ANTXRL: variants seen among roughly 807,000 people sequenced by gnomAD.
The protein encoded by ANTXRL is anthrax toxin receptor-like.
ANTXRL carries 63 observed loss-of-function variants against 75.4 expected under a neutral mutation model. The ratio of observed to expected loss-of-function variants is 0.84; its 90% CI spans 0.68 to 1.03. The LOEUF (loss-of-function observed/expected upper bound fraction) is 1.03. ANTXRL is among the 50% of genes least tolerant of loss of function. The pLI is 0.00. For synonymous variants in ANTXRL, 335 were observed against 291.3 expected, an observed-to-expected ratio of 1.15 and a Z score of -1.53; for missense variants, 797 against 789.4, an observed-to-expected ratio of 1.01 and a Z score of -0.12.
At chr10:46,293,525 C>A (rs1241940178) in intron 2 of ANTXRL, among the ~76,000 whole-genome samples, 1 of 109,252 alleles carries the variant, frequency 9.2e-6, no homozygotes, top group Non-Finnish European at 1.9e-5. Context: ...GTGTGTGCCT[C>A]TGTGTGTGCA....
chr10:46,303,353 C>T (rs181998107), intron 10 of ANTXRL, among the ~76,000 whole-genome samples: 1 of 152,264 alleles, frequency 6.6e-6, no homozygotes, highest in East Asian at 1.9e-4. Flanking sequence ...GTGTTCTACT[C>T]TGAGCCTCTA....
chr10:46,318,557 G>A (rs782434087), intron 16 of ANTXRL, among the ~76,000 whole-genome samples: 3 of 152,062 alleles, frequency 2.0e-5, no homozygotes, highest in Non-Finnish European at 2.9e-5. Context: ...ATACAGAAAA[G>A]CAGTGAGAGA....
At chr10:46,300,424 G>C (rs1326925254) in intron 9 of ANTXRL, among the ~76,000 whole-genome samples, 86 of 152,248 alleles carry the variant, frequency 5.6e-4, no homozygotes, top group Non-Finnish European at 1.6e-4. Context: ...CTCCTATCCA[G>C]CCTGGGAGAG....
At chr10:46,329,255 T>C (rs1839371535) in intron 16 of ANTXRL, among the ~76,000 whole-genome samples, 1 of 152,062 alleles carries the variant, frequency 6.6e-6, no homozygotes, top group Non-Finnish European at 1.5e-5. Context: ...TTCCACATGC[T>C]CACTAGAGCC....
chr10:46,309,625 C>T (rs1476533851), intron 13 of ANTXRL, among the ~76,000 whole-genome samples: 5 of 152,198 alleles, frequency 3.3e-5, no homozygotes, highest in Admixed American at 6.5e-5. Context: ...AAATGGAGGA[C>T]GCTGTAACCC....
chr10:46,294,584 T>C (rs1837252304), intron 3 of ANTXRL, among the ~76,000 whole-genome samples: 1 of 152,084 alleles, frequency 6.6e-6, no homozygotes. Flanking sequence ...CACTGAGGAC[T>C]GGATGGGGGA....
chr10:46,292,751 G>C (rs1349924686), intron 2 of ANTXRL: 1 of 155,056 alleles, frequency 6.4e-6, no homozygotes, highest in African/African-American at 2.4e-5. Context: ...GAAGGCTCTT[G>C]AGCAGGGGAG....
intron 14 of ANTXRL, among the ~76,000 whole-genome samples, chr10:46,311,100 G>A (rs1302800744): frequency 2.0e-4 from 30 of 152,218 alleles, no homozygotes; most frequent in African/African-American, 7.2e-4. Context: ...GGGCAGTGGT[G>A]AGTAGCTGAG....
Position 46,314,970 on chromosome 10 carries a change from A to G in ANTXRL, c.1410+1654A>G, listed in dbSNP as rs1278240556. ...ACCTAATTTGACCTTGTGCTTCCCA[A>G]CTATAGTCCTGAACACCCGACTGAG... On this transcript the variant is annotated intron_variant, in intron 16 of 16. Transcript: ENST00000620264. 3.9e-5 allele frequency among the ~76,000 whole-genome samples: 6 copies of G among 152,090 alleles called. 1 individual carries two copies. Among genetic ancestry groups the G allele is most frequent in the Admixed American group, 3.9e-4 (6 of 15,268 alleles).
intron 9 of ANTXRL, among the ~76,000 whole-genome samples, chr10:46,301,728 T>G (rs1296739860): frequency 6.6e-6 from 1 of 152,196 alleles, no homozygotes; most frequent in Non-Finnish European, 1.5e-5. Context: ...AGAAAGCATG[T>G]CGGTAGGCCA....
At chr10:46,321,087 C>T (rs533001016) in intron 16 of ANTXRL, among the ~76,000 whole-genome samples, 1 of 152,300 alleles carries the variant, frequency 6.6e-6, no homozygotes, top group East Asian at 1.9e-4. Flanking sequence ...TTCCACTCAT[C>T]CTTTGGAGTT....
chr10:46,290,716 C>T (rs1836948633), intron 1 of ANTXRL, among the ~76,000 whole-genome samples: 1 of 152,110 alleles, frequency 6.6e-6, no homozygotes, highest in African/African-American at 2.4e-5. Context: ...GCTTATTGGC[C>T]ATTTGCATAT....
chr10:46,303,344 T>C (rs1837872756), intron 10 of ANTXRL, among the ~76,000 whole-genome samples: 1 of 152,144 alleles, frequency 6.6e-6, no homozygotes, highest in East Asian at 1.9e-4. Flanking sequence ...ACCAGATGAG[T>C]GTTCTACTCT....
intron 10 of ANTXRL, among the ~76,000 whole-genome samples, chr10:46,305,127 G>C (rs781788026): frequency 2.0e-5 from 3 of 152,204 alleles, no homozygotes; most frequent in Admixed American, 6.5e-5. Flanking sequence ...TGTCCCTGGA[G>C]TGTTGGCCAC....
intron 10 of ANTXRL, 102 bp downstream of exon 10, chr10:46,302,922 T>C: frequency 3.2e-6 from 3 of 927,030 alleles, no homozygotes; most frequent in South Asian, 1.6e-5. Context: ...CCATTCCCTG[T>C]GGACCCTGTG....
chr10:46,287,600 C>G, intron 1 of ANTXRL, 90 bp downstream of exon 1: 4 of 1,441,632 alleles, frequency 2.8e-6, no homozygotes, highest in Non-Finnish European at 1.8e-6. Flanking sequence ...CAAGGAGATG[C>G]AAGCTTCCGT....
chr10:46,290,165 CCTGAGTAG>C (rs1836926282), intron 1 of ANTXRL, among the ~76,000 whole-genome samples: 1 of 151,566 alleles, frequency 6.6e-6, no homozygotes, highest in Non-Finnish European at 1.5e-5. Flanking sequence ...GCATCAGCCT[CCTGAGTAG>C]CTGGGACTAC....
rs1838691537 is a variant in ANTXRL at position 46,315,748 on chromosome 10, T to G, written c.1410+2432T>G. On this transcript the variant is annotated intron_variant, in intron 16 of 16. Transcript: ENST00000620264. Reference sequence around the variant, plus strand: ...GAGGAGCTGCTGCCTTTTAAAACCTTGTTTAGTTTATTGTTTCAGCAAATC... The same window carrying G: ...GAGGAGCTGCTGCCTTTTAAAACCTGGTTTAGTTTATTGTTTCAGCAAATC... Among the ~76,000 whole-genome samples, 8 of 152,328 alleles carry G rather than the reference T, an allele frequency of 5.3e-5. No homozygotes were observed. In the South Asian group the frequency reaches 1.7e-3, roughly 32 times the overall value.
At chr10:46,328,566 T>C (rs138166343) in intron 16 of ANTXRL, among the ~76,000 whole-genome samples, 144 of 152,192 alleles carry the variant, frequency 9.5e-4, no homozygotes, top group Middle Eastern at 3.4e-3. Context: ...CATGGCCATG[T>C]TGCTCAGCAA....
Sources: allele counts gnomAD v4.1 joint callset (sites outside exome capture counted in the v4.1 genomes callset), GRCh38; gene constraint gnomAD v4.1.1; transcripts MANE v1.5; gene names NCBI Gene and HGNC (gene_info 2026-07-23, HGNC 2026-07-21).